ARHGEF10: variants seen among roughly 807,000 people sequenced by gnomAD.
ARHGEF10 encodes the protein Rho guanine nucleotide exchange factor 10, also known as Rho guanine nucleotide exchange factor (GEF) 10.
Under a neutral mutation model 147.4 loss-of-function variants are expected in ARHGEF10, and 140 were observed. The observed-to-expected ratio is 0.95, with a 90% CI of 0.83 to 1.09. The LOEUF (loss-of-function observed/expected upper bound fraction) is 1.09. Among genes scored for constraint, ARHGEF10 ranks in the 50% least tolerant of loss-of-function variants. The pLI, the probability that ARHGEF10 is intolerant of heterozygous loss-of-function variation, is 0.00. For synonymous variants in ARHGEF10, 902 were observed against 695.8 expected, an observed-to-expected ratio of 1.30 and a Z score of -4.67; for missense variants, 2,222 against 1,752.7, an observed-to-expected ratio of 1.27 and a Z score of -4.78.
At chr8:1,843,549 G>T (rs1563164374) in intron 2 of ARHGEF10, 113 bp downstream of exon 2, 2 of 830,914 alleles carry the variant, frequency 2.4e-6, no homozygotes, top group South Asian at 2.9e-5. Flanking sequence ...GGGGTGGAGT[G>T]AGAGCTTCTT....
Position 1,876,656 on chromosome 8 carries a change from A to C in ARHGEF10, c.765A>C (p.Glu255Asp). Residue 255 changes from glutamate (E) to aspartate (D), a missense_variant, in exon 8 of 29, where the codon GAA (glutamate) becomes GAC (aspartate). Glu to Asp is a conservative substitution (Grantham distance 45). Transcript: ENST00000349830. ...LEYGWSSSEF[E>D]SYEEQSDSEC... ...ACGGATGGAGTTCGAGTGAATTTGA[A>C]AGTTACGAAGAGCAGAGTGACTCGG... is the stretch of plus-strand genomic sequence containing the variant. The C allele has an allele frequency of 6.2e-7, 1 of 1,614,198 alleles. No individual in the cohort carries two copies. Among genetic ancestry groups the C allele is most frequent in the Non-Finnish European group, 8.5e-7 (1 of 1,180,032 alleles).
At chr8:1,879,353 T>C (rs1245101829) in intron 8 of ARHGEF10, among the ~76,000 whole-genome samples, 1 of 152,214 alleles carries the variant, frequency 6.6e-6, no homozygotes, top group African/African-American at 2.4e-5. Flanking sequence ...AAGTATCTTT[T>C]GCTTGGATGC....
chr8:1,902,378 T>TGTTATCTGCCTGTTAAC (rs1491292513), intron 15 of ARHGEF10, among the ~76,000 whole-genome samples: 1 of 152,232 alleles, frequency 6.6e-6, no homozygotes, highest in Non-Finnish European at 1.5e-5. Context: ...ACGTTTATCC[T>TGTTATCTGCCTGTTAAC]GTGATTGGCA....
chr8:1,932,356 C>T lies in ARHGEF10; in HGVS notation c.3080-1444C>T, dbSNP rs192653818. ...TTGTGAGGGCGTATGTGTGTGCAGG[C>T]GTGTGTGTGCCTTGAGTGCACATGT... On this transcript the variant is annotated intron_variant, in intron 25 of 28. Transcript: ENST00000349830. Among the ~76,000 whole-genome samples the T allele has an allele frequency of 2.3e-4, 35 of 152,230 alleles. No individual in the cohort carries two copies. In the East Asian group the frequency reaches 3.3e-3, roughly 14 times the overall value.
At chr8:1,923,710 T>C in intron 20 of ARHGEF10, 64 bp from the exon 21 acceptor site, 2 of 1,612,524 alleles carry the variant, frequency 1.2e-6, no homozygotes, top group Non-Finnish European at 1.7e-6. Context: ...GCAAAATGTG[T>C]AATTTAACCT....
At chr8:1,874,848 G>A (rs1414691427) in intron 7 of ARHGEF10, among the ~76,000 whole-genome samples, 3 of 129,000 alleles carry the variant, frequency 2.3e-5, no homozygotes, top group African/African-American at 9.1e-5. Flanking sequence ...GGCGTGTAGG[G>A]GGTAGAGGTT....
Position 1,857,953 on chromosome 8 carries a change from T to C in ARHGEF10, c.38-7T>C. ...CTCCTTGATGTGGTTTTGGTTTTTC[T>C]TTTTAGAAAATGAAATGAAATATGA... On this transcript the variant is annotated splice_polypyrimidine_tract_variant and splice_region_variant and intron_variant, in intron 2 of 28. Transcript: ENST00000349830. 6.2e-7 allele frequency: 1 copy of C among 1,611,312 alleles called. No homozygotes were observed. The highest frequency in any genetic ancestry group is 8.5e-7 in the Non-Finnish European group (1 of 1,178,128).
Position 1,898,530 on chromosome 8 carries a change from G to GT in ARHGEF10, c.1650+6dup. 6.2e-7 allele frequency: 1 copy of GT among 1,613,418 alleles called. No individual in the cohort carries two copies. Among genetic ancestry groups the GT allele is most frequent in the Non-Finnish European group, 8.5e-7 (1 of 1,179,336 alleles). On this transcript the variant is annotated splice_donor_region_variant and intron_variant, in intron 15 of 28. Transcript: ENST00000349830. Reference sequence around the variant, plus strand: ...CAGTTCATCCTCCTGCTCCAGGTAAGTGCTTCACGGAGACCTCCTCAAGCT... The same window carrying GT: ...CAGTTCATCCTCCTGCTCCAGGTAAGTTGCTTCACGGAGACCTCCTCAAGCT...
intron 1 of ARHGEF10, among the ~76,000 whole-genome samples, chr8:1,826,455 A>C (rs1287157669): frequency 6.6e-6 from 1 of 151,446 alleles, no homozygotes; most frequent in Non-Finnish European, 1.5e-5. Context: ...CGCGTGTGTG[A>C]GTTGTAGATA....
At chr8:1,902,003 C>CT (rs1002505298) in intron 15 of ARHGEF10, among the ~76,000 whole-genome samples, 2 of 151,186 alleles carry the variant, frequency 1.3e-5, no homozygotes, top group African/African-American at 2.4e-5. Flanking sequence ...TTTTCTCACT[C>CT]TAAGTTCTGG....
rs573180505 is a variant in ARHGEF10 at position 1,908,428 on chromosome 8, G to T, written c.1968-867G>T. On this transcript the variant is annotated intron_variant, in intron 17 of 28. Transcript: ENST00000349830. ...TAAATATTTTTAGTAGAGATGGGGTGTCACTGTGTTAGCCAGGATGGTCTC... is the reference window on the plus strand; with the variant it reads ...TAAATATTTTTAGTAGAGATGGGGTTTCACTGTGTTAGCCAGGATGGTCTC... 6.5e-3 allele frequency among the ~76,000 whole-genome samples: 982 copies of T among 152,004 alleles called. 10 individuals carry two copies. Among genetic ancestry groups the T allele is most frequent in the African/African-American group, 0.021 (877 of 41,424 alleles).
intron 27 of ARHGEF10, among the ~76,000 whole-genome samples, chr8:1,946,817 T>C (rs1814630888): frequency 6.6e-6 from 1 of 152,114 alleles, no homozygotes; most frequent in Non-Finnish European, 1.5e-5. Flanking sequence ...GTGTTGAGGA[T>C]GTTCCTCGGG....
In ARHGEF10 at chr8:1,903,589, G is replaced by A; in HGVS notation, c.1821+138G>A. 2 of 1,075,160 alleles carry A rather than the reference G, an allele frequency of 1.9e-6. 1 individual carries two copies. The highest frequency in any genetic ancestry group is 2.8e-5 in the South Asian group (2 of 72,514). 66.6% of individuals were successfully genotyped at this position (1,075,160 alleles called of 1,614,324 possible). On this transcript the variant is annotated intron_variant, in intron 16 of 28. Transcript: ENST00000349830. ...CCCAGAGTTCTTAACCGGGGTGGATGGAGGCCTTCGGGAGAGTCACACCAA... is the reference window on the plus strand; with the variant it reads ...CCCAGAGTTCTTAACCGGGGTGGATAGAGGCCTTCGGGAGAGTCACACCAA...
chr8:1,868,017 T>A (rs1806767835), intron 6 of ARHGEF10, among the ~76,000 whole-genome samples: 1 of 152,238 alleles, frequency 6.6e-6, no homozygotes, highest in Non-Finnish European at 1.5e-5. Flanking sequence ...TTGTCTGATT[T>A]TTTTCTCATT....
chr8:1,952,640 C>G, intron 27 of ARHGEF10, 65 bp from the exon 28 acceptor site: 2 of 1,602,374 alleles, frequency 1.2e-6, no homozygotes, highest in Non-Finnish European at 1.7e-6. Flanking sequence ...TCCAGCACCC[C>G]GTCACCGCCC....
chr8:1,949,820 C>A (rs1168735947), intron 27 of ARHGEF10, among the ~76,000 whole-genome samples: 1 of 147,606 alleles, frequency 6.8e-6, no homozygotes, highest in Non-Finnish European at 1.5e-5. Flanking sequence ...CGGTGTGGCC[C>A]TGGCCTGTCC....
chr8:1,931,798 G>A (rs1170721558), intron 25 of ARHGEF10, among the ~76,000 whole-genome samples: 1 of 23,932 alleles, frequency 4.2e-5, no homozygotes. Context: ...TTCCGGCTGC[G>A]ATTTGGGATC....
chr8:1,826,044 CA>C (rs1248836462), intron 1 of ARHGEF10: 3 of 1,458,660 alleles, frequency 2.1e-6, no homozygotes, highest in Non-Finnish European at 2.8e-6. Flanking sequence ...CTGTCTCTCA[CA>C]GCATTTATTT....
chr8:1,852,161 AGTGCAATAGCCAT>A (rs1468373882), intron 2 of ARHGEF10, among the ~76,000 whole-genome samples: 1 of 152,130 alleles, frequency 6.6e-6, no homozygotes, highest in Non-Finnish European at 1.5e-5. Context: ...GGCCACCCCA[AGTGCAATAGCCAT>A]GTGTGACTTG....
Sources: allele counts gnomAD v4.1 joint callset (sites outside exome capture counted in the v4.1 genomes callset), GRCh38; gene constraint gnomAD v4.1.1; transcripts MANE v1.5; gene names NCBI Gene and HGNC (gene_info 2026-07-23, HGNC 2026-07-21).